Variants in SH3RF3 observed in about 807,000 individuals in gnomAD.
SH3RF3 encodes the protein E3 ubiquitin-protein ligase SH3RF3.
Under a neutral mutation model 66.3 loss-of-function variants are expected in SH3RF3, and 29 were observed. The ratio of observed to expected loss-of-function variants is 0.44; its 90% CI spans 0.33 to 0.60. The LOEUF (loss-of-function observed/expected upper bound fraction) is 0.60, where lower values mean the gene tolerates loss of function less well. Among genes scored for constraint, SH3RF3 ranks in the 20% least tolerant of loss-of-function variants. SH3RF3 has a pLI of 0.04. For missense variants in SH3RF3, 1,194 were observed against 1,190.9 expected, an observed-to-expected ratio of 1.00 and a Z score of -0.04; for synonymous variants, 583 against 532.0, an observed-to-expected ratio of 1.10 and a Z score of -1.32.
intron 1 of SH3RF3, among the ~76,000 whole-genome samples, chr2:109,180,118 G>GTTTT (rs879424748): frequency 6.8e-6 from 1 of 147,034 alleles, no homozygotes; most frequent in African/African-American, 2.5e-5. Context: ...CACAGGAGAA[G>GTTTT]TTTTTTTTTT....
At chr2:109,371,781 A>G in intron 3 of SH3RF3, 100 bp downstream of exon 3, 1 of 979,456 alleles carries the variant, frequency 1.0e-6, no homozygotes, top group Non-Finnish European at 1.6e-6. Context: ...CTAAGAGAGA[A>G]AGAGGATCCT....
chr2:109,503,191 T>A lies in SH3RF3; in HGVS notation c.*1520T>A, dbSNP rs139956492. The A allele has an allele frequency of 2.0e-5, 3 of 152,298 alleles. No homozygotes were observed. Among genetic ancestry groups the A allele is most frequent in the African/African-American group, 7.2e-5 (3 of 41,568 alleles). The allele number at this position is 152,298 out of a possible 1,614,324, so 9.4% of individuals were successfully genotyped here. ...CATTTTTATCACCTCAAAATTTTGA[T>A]CCATCACCCCTCTCTCCACCTATAT... On this transcript the variant is annotated 3_prime_UTR_variant, in exon 10 of 10. Coordinates refer to ENST00000309415, the MANE Select transcript of SH3RF3 (RefSeq NM_001099289.3).
At chr2:109,339,343 G>A (rs1056115192) in intron 1 of SH3RF3, among the ~76,000 whole-genome samples, 3 of 152,102 alleles carry the variant, frequency 2.0e-5, no homozygotes, top group African/African-American at 7.2e-5. Context: ...AAGATGATGT[G>A]GTGGTTGGTT....
intron 7 of SH3RF3, among the ~76,000 whole-genome samples, chr2:109,443,162 C>T (rs1050948301): frequency 6.6e-6 from 1 of 152,264 alleles, no homozygotes; most frequent in African/African-American, 2.4e-5. Context: ...ACATATCTCA[C>T]ATAAATTATC....
At chr2:109,436,537 G>A (rs1008373377) in intron 6 of SH3RF3, among the ~76,000 whole-genome samples, 43 of 152,330 alleles carry the variant, frequency 2.8e-4, no homozygotes, top group African/African-American at 9.6e-4. Context: ...AAGGCCTCGC[G>A]GGACATGACT....
intron 1 of SH3RF3, among the ~76,000 whole-genome samples, chr2:109,337,441 C>T (rs949300109): frequency 6.6e-6 from 1 of 152,206 alleles, no homozygotes; most frequent in Non-Finnish European, 1.5e-5. Context: ...TGGCCACCCC[C>T]TCGCATATGG....
intron 4 of SH3RF3, among the ~76,000 whole-genome samples, chr2:109,414,501 C>T (rs984320935): frequency 5.9e-5 from 9 of 152,124 alleles, no homozygotes; most frequent in East Asian, 3.9e-4. Flanking sequence ...TCAATGGACA[C>T]GAGGAGCAAT....
intron 1 of SH3RF3, among the ~76,000 whole-genome samples, chr2:109,130,808 C>G (rs1454850701): frequency 6.6e-6 from 1 of 152,166 alleles, no homozygotes; most frequent in African/African-American, 2.4e-5. Context: ...TTAGGGCCTT[C>G]GCTGCTTCTG....
chr2:109,451,618 C>T (rs1489878785), intron 8 of SH3RF3, among the ~76,000 whole-genome samples: 1 of 152,258 alleles, frequency 6.6e-6, no homozygotes, highest in Non-Finnish European at 1.5e-5. Context: ...CCAGCTGAGT[C>T]TGTTCCTAGC....
At chr2:109,223,215 G>A (rs952440678) in intron 1 of SH3RF3, among the ~76,000 whole-genome samples, 18 of 152,190 alleles carry the variant, frequency 1.2e-4, no homozygotes, top group South Asian at 4.1e-4. Context: ...CTTTGCTGCC[G>A]TCCCATGCAG....
chr2:109,501,979 G>T lies in SH3RF3; in HGVS notation c.*308G>T, dbSNP rs976971023. The stretch of plus-strand genomic sequence containing the variant: ...GCAGGCAGGCCTGTGGCTGTGGTTT[G>T]CAGCCATGGCAGCGTTCTCATTTAC... On this transcript the variant is annotated 3_prime_UTR_variant, in exon 10 of 10. Transcript: ENST00000309415. 1.9e-5 allele frequency: 6 copies of T among 309,512 alleles called. No individual in the cohort carries two copies. Among genetic ancestry groups the T allele is most frequent in the East Asian group, 5.8e-5 (1 of 17,248 alleles). The allele number at this position is 309,512 out of a possible 1,614,324, so 19.2% of individuals were successfully genotyped here.
chr2:109,235,809 C>T (rs1679633581), intron 1 of SH3RF3, among the ~76,000 whole-genome samples: 1 of 152,224 alleles, frequency 6.6e-6, no homozygotes, highest in African/African-American at 2.4e-5. Flanking sequence ...TTCACGTGCA[C>T]TCGGCACCAG....
intron 8 of SH3RF3, among the ~76,000 whole-genome samples, chr2:109,468,284 C>T (rs1463229349): frequency 3.3e-5 from 5 of 152,212 alleles, no homozygotes; most frequent in African/African-American, 1.2e-4. Flanking sequence ...GCAACTGTAA[C>T]ACAGCGGCAA....
intron 8 of SH3RF3, 68 bp from the exon 9 acceptor site, chr2:109,490,537 C>A: frequency 7.9e-7 from 1 of 1,261,594 alleles, no homozygotes; most frequent in Non-Finnish European, 1.0e-6. Context: ...ATGCATTCCC[C>A]TCTCTCTGAC....
rs1466128184 is a variant in SH3RF3 at position 109,130,059 on chromosome 2, C to T, written c.519C>T (p.Ser173=). 4 of 1,368,250 alleles carry T rather than the reference C, an allele frequency of 2.9e-6. No homozygotes were observed. The highest frequency in any genetic ancestry group is 2.7e-4 in the Middle Eastern group (1 of 3,716). The allele number at this position is 1,368,250 out of a possible 1,614,324, so 84.8% of individuals were successfully genotyped here. The change falls in exon 1 of 10, where the codon AGC becomes AGT. Residue 173 remains serine (S), a synonymous_variant. Transcript: ENST00000309415. ...TTTTCCTCTCCGCGGCCGCGGGCAGCACCGCCGGCAGTCTGCGGGAGCTGG... is the reference window on the plus strand; with the variant it reads ...TTTTCCTCTCCGCGGCCGCGGGCAGTACCGCCGGCAGTCTGCGGGAGCTGG... ...SPVFLSAAAG[S]TAGSLRELAT... is the part of the protein sequence containing the mutation.
intron 1 of SH3RF3, among the ~76,000 whole-genome samples, chr2:109,210,451 G>C (rs1047323818): frequency 1.1e-4 from 16 of 152,190 alleles, no homozygotes; most frequent in Non-Finnish European, 2.1e-4. Flanking sequence ...TGTTTTCAGA[G>C]TTGCCCAGCA....
intron 1 of SH3RF3, among the ~76,000 whole-genome samples, chr2:109,294,810 C>T (rs1681271411): frequency 1.3e-5 from 2 of 152,160 alleles, no homozygotes; most frequent in Admixed American, 1.3e-4. Context: ...CGACTCAGCC[C>T]AGGCTTAGCC....
At chr2:109,436,605 T>C (rs894237780) in intron 6 of SH3RF3, among the ~76,000 whole-genome samples, 8 of 152,238 alleles carry the variant, frequency 5.3e-5, no homozygotes, top group Non-Finnish European at 8.8e-5. Context: ...TAAGAACAAA[T>C]TAAGGCAGTA....
chr2:109,479,918 C>A (rs1202015213), intron 8 of SH3RF3, among the ~76,000 whole-genome samples: 1 of 152,140 alleles, frequency 6.6e-6, no homozygotes, highest in Non-Finnish European at 1.5e-5. Context: ...GGAGCTCTTG[C>A]TCCAGCCCAG....
Sources: allele counts gnomAD v4.1 joint callset (sites outside exome capture counted in the v4.1 genomes callset), GRCh38; gene constraint gnomAD v4.1.1; transcripts MANE v1.5; gene names NCBI Gene and HGNC (gene_info 2026-07-23, HGNC 2026-07-21).